The following CERT1 variants were observed in gnomAD, a reference collection of about 807,000 sequenced individuals.
The protein encoded by CERT1 is ceramide transfer protein.
CERT1 carries 31 observed loss-of-function variants against 87.9 expected under a neutral mutation model. The ratio of observed to expected loss-of-function variants is 0.35; its 90% CI spans 0.27 to 0.48. The LOEUF is 0.48. CERT1 is among the 20% of genes least tolerant of loss of function. The probability of loss-of-function intolerance (pLI) is 0.99; values close to 1 mark genes in which losing one functional copy is unlikely to be tolerated. For synonymous variants in CERT1, 289 were observed against 250.9 expected (o/e 1.15, Z -1.44); for missense variants, 487 against 758.0 (o/e 0.64, Z 4.20).
chr5:75,484,452 C>G (rs1443828917), intron 2 of CERT1, among the ~76,000 whole-genome samples: 2 of 148,256 alleles, frequency 1.3e-5, no homozygotes, highest in Non-Finnish European at 1.5e-5. Context: ...GACAGAGTGA[C>G]TGAATGGATT....
At chr5:75,401,495 A>G (rs1762470254) in intron 9 of CERT1, 1 of 152,172 alleles carries the variant, frequency 6.6e-6, no homozygotes. Context: ...CTCATTCACT[A>G]CTTTTTCCCA....
chr5:75,409,338 T>C (rs144922258), intron 8 of CERT1, among the ~76,000 whole-genome samples: 3 of 152,308 alleles, frequency 2.0e-5, no homozygotes, highest in Middle Eastern at 3.4e-3. Context: ...ACTCTCACAG[T>C]TGGAAATTGA....
At chr5:75,498,702 C>T (rs765076935) in intron 2 of CERT1, among the ~76,000 whole-genome samples, 13 of 152,170 alleles carry the variant, frequency 8.5e-5, no homozygotes, top group Admixed American at 1.3e-4. Flanking sequence ...CATTAGTTTG[C>T]GGCAGGAGGG....
upstream of CERT1, chr5:75,511,970 T>C: frequency 1.5e-6 from 1 of 678,744 alleles, no homozygotes. Flanking sequence ...AGTCGGTGGG[T>C]GGGCTTCGTT....
At chr5:75,495,241 AT>A (rs1767002861) in intron 2 of CERT1, among the ~76,000 whole-genome samples, 3 of 152,348 alleles carry the variant, frequency 2.0e-5, no homozygotes, top group Admixed American at 2.0e-4. Flanking sequence ...AGCTTTCTTT[AT>A]CAGCCATAAT....
intron 3 of CERT1, among the ~76,000 whole-genome samples, chr5:75,439,636 T>C (rs1281983261): frequency 6.6e-6 from 1 of 151,920 alleles, no homozygotes; most frequent in African/African-American, 2.4e-5. Context: ...TTTCTGAAAA[T>C]AAAATTCTGA....
At chr5:75,394,241 C>G (rs929813187) in intron 11 of CERT1, among the ~76,000 whole-genome samples, 15 of 152,280 alleles carry the variant, frequency 9.9e-5, no homozygotes, top group African/African-American at 3.6e-4. Context: ...TGGCTGAGGC[C>G]TGTGGCCTGT....
At chr5:75,481,971 T>G (rs1422203209) in intron 2 of CERT1, among the ~76,000 whole-genome samples, 1 of 152,212 alleles carries the variant, frequency 6.6e-6, no homozygotes, top group African/African-American at 2.4e-5. Flanking sequence ...AATATATTTT[T>G]ACAATGTTAC....
At chr5:75,384,562 C>T (rs1561222875) in intron 14 of CERT1, 80 bp downstream of exon 14, 8 of 945,416 alleles carry the variant, frequency 8.5e-6, no homozygotes, top group Non-Finnish European at 1.3e-5. Context: ...AATAACCTCC[C>T]CAATTTTACT....
chr5:75,393,602 T>TAAAAAAAAAAAAAAAAAAA (rs60898983), intron 11 of CERT1, among the ~76,000 whole-genome samples: 375 of 32,610 alleles, frequency 0.011, 25 homozygotes, highest in African/African-American at 0.015. Context: ...CTCATCTACT[T>TAAAAAAAAAAAAAAAAAAA]AAAAAAAAAA....
At chr5:75,454,621 C>G (rs1764896476) in intron 3 of CERT1, among the ~76,000 whole-genome samples, 2 of 152,160 alleles carry the variant, frequency 1.3e-5, no homozygotes, top group Non-Finnish European at 2.9e-5. Context: ...TGAGAGCCTT[C>G]AAGATGAGAA....
intron 3 of CERT1, among the ~76,000 whole-genome samples, chr5:75,448,823 T>G (rs1024797768): frequency 3.9e-5 from 6 of 152,196 alleles, no homozygotes; most frequent in Admixed American, 3.9e-4. Flanking sequence ...TTTAATATCT[T>G]CTGTAAGAAT....
At chr5:75,449,741 G>C (rs1764702275) in intron 3 of CERT1, among the ~76,000 whole-genome samples, 1 of 151,606 alleles carries the variant, frequency 6.6e-6, no homozygotes, top group Non-Finnish European at 1.5e-5. Context: ...ATGGGTATAT[G>C]GTGTTATCTC....
intron 3 of CERT1, among the ~76,000 whole-genome samples, chr5:75,430,885 T>G (rs1038019630): frequency 2.6e-5 from 4 of 152,004 alleles, no homozygotes; most frequent in African/African-American, 9.7e-5. Flanking sequence ...AAAAAAGTTT[T>G]TAAAAGTTAG....
chr5:75,407,883 T>G (rs1429847899), intron 8 of CERT1, among the ~76,000 whole-genome samples: 2 of 146,870 alleles, frequency 1.4e-5, no homozygotes, highest in Admixed American at 6.8e-5. Flanking sequence ...GGCACAATTG[T>G]TTTTTTTTTA....
chr5:75,389,579 C>T lies in CERT1; in HGVS notation c.1284+13G>A. On this transcript the variant is annotated intron_variant, in intron 12 of 16. Coordinates refer to ENST00000643780, the MANE Select transcript of CERT1 (RefSeq NM_001379029.1). ...ACGCCTTTGGCAATCTATAACATTT[C>T]AGGGGGAATTACCTTCATTTCTCCT... The T allele has an allele frequency of 1.2e-6, 2 of 1,604,736 alleles. No individual in the cohort carries two copies. Among genetic ancestry groups the T allele is most frequent in the Non-Finnish European group, 1.7e-6 (2 of 1,171,544 alleles).
intron 5 of CERT1, among the ~76,000 whole-genome samples, chr5:75,420,290 ATATAC>A (rs376737812): frequency 9.9e-5 from 15 of 151,104 alleles, no homozygotes; most frequent in African/African-American, 3.4e-4. Flanking sequence ...GAGTTCTTAT[ATATAC>A]TATTTCTGAT....
At position 75,385,913 on chromosome 5, in the gene CERT1, T is replaced by C. The variant is rs1761766282; in HGVS notation, c.1406A>G (p.Asn469Ser). ...CNYFWNVDVRNDWETTIENFH... is the reference protein window; with the variant it reads ...CNYFWNVDVRSDWETTIENFH... ...TAATGACAGCTTACTTTCCCAGTCA[T>C]TGCGAACGTCAACATTCCAGAAATA... The change falls in exon 13 of 17, where the codon AAT (asparagine) becomes AGT (serine). Residue 469 changes from asparagine (N) to serine (S), a missense_variant. Around this residue, in one of 8 missense-constraint regions of CERT1, gnomAD observed 147 missense variants for 200.8 expected, o/e 0.73. Coordinates refer to ENST00000643780, the MANE Select transcript of CERT1 (RefSeq NM_001379029.1). 7 of 1,537,910 alleles carry C rather than the reference T, an allele frequency of 4.6e-6. No individual in the cohort carries two copies. Among genetic ancestry groups the C allele is most frequent in the Non-Finnish European group, 6.1e-6 (7 of 1,145,210 alleles).
At chr5:75,504,652 G>C (rs1767569830) in intron 2 of CERT1, among the ~76,000 whole-genome samples, 1 of 151,280 alleles carries the variant, frequency 6.6e-6, no homozygotes, top group South Asian at 2.1e-4. Context: ...GAGTGAGTTA[G>C]TAAACTCTGT....
Sources: allele counts gnomAD v4.1 joint callset (sites outside exome capture counted in the v4.1 genomes callset), GRCh38; gene constraint gnomAD v4.1.1; regional missense constraint gnomAD v4.1.1; transcripts MANE v1.5; gene names NCBI Gene and HGNC (gene_info 2026-07-23, HGNC 2026-07-21).